DNAH6: variants seen among roughly 807,000 people sequenced by gnomAD.
The protein encoded by DNAH6 is axonemal beta dynein heavy chain 6.
A neutral mutation model predicts 491.4 loss-of-function variants in DNAH6; 340 were observed. The ratio of observed to expected loss-of-function variants is 0.69; its 90% CI spans 0.63 to 0.76. The LOEUF is 0.76. Ranked by LOEUF, DNAH6 falls within the 30% of genes least tolerant of loss-of-function variation. The pLI is 0.00. For missense variants in DNAH6, 4,443 were observed against 4,972.2 expected (o/e 0.89, Z 3.20); for synonymous variants, 1,603 against 1,686.1 (o/e 0.95, Z 1.21).
At chr2:84,641,193 C>A (rs1054795840) in intron 32 of DNAH6, among the ~76,000 whole-genome samples, 4 of 152,134 alleles carry the variant, frequency 2.6e-5, no homozygotes, top group African/African-American at 9.7e-5. Context: ...TCTAAGGAGA[C>A]CTATTTTATC....
chr2:84,642,130 CTT>C, intron 33 of DNAH6, 76 bp downstream of exon 33: 1 of 980,808 alleles, frequency 1.0e-6, no homozygotes, highest in Non-Finnish European at 1.5e-6. Flanking sequence ...TCAATTATTT[CTT>C]TCTCTAACAA....
chr2:84,691,532 G>A (rs138367896), intron 45 of DNAH6, among the ~76,000 whole-genome samples: 150 of 152,324 alleles, frequency 9.8e-4, no homozygotes, highest in African/African-American at 3.4e-3. Flanking sequence ...CGTTGTTCTA[G>A]TAGAGGAGTT....
intron 40 of DNAH6, among the ~76,000 whole-genome samples, 199 bp from the exon 41 acceptor site, chr2:84,676,806 A>G (rs1291313269): frequency 6.6e-6 from 1 of 152,236 alleles, no homozygotes; most frequent in Admixed American, 6.5e-5. Context: ...TTACTTAACC[A>G]TCCAGGGCCT....
chr2:84,736,302 T>C (rs777371919), intron 62 of DNAH6, among the ~76,000 whole-genome samples: 5 of 152,258 alleles, frequency 3.3e-5, no homozygotes, highest in Middle Eastern at 3.4e-3. Flanking sequence ...TGTCCTTTTT[T>C]ACTAGGATTG....
At chr2:84,652,770 A>G (rs891838438) in intron 33 of DNAH6, among the ~76,000 whole-genome samples, 3 of 152,144 alleles carry the variant, frequency 2.0e-5, no homozygotes, top group East Asian at 1.9e-4. Flanking sequence ...ATCTCATACT[A>G]ACTGTTTCCT....
chr2:84,655,749 C>T (rs572983782), intron 35 of DNAH6, among the ~76,000 whole-genome samples: 1 of 152,200 alleles, frequency 6.6e-6, no homozygotes, highest in African/African-American at 2.4e-5. Flanking sequence ...TTCCCATGCA[C>T]TCCCTCACCC....
At chr2:84,717,569 G>C (rs773505082) in intron 58 of DNAH6, among the ~76,000 whole-genome samples, 7 of 150,488 alleles carry the variant, frequency 4.7e-5, no homozygotes, top group East Asian at 3.9e-4. Context: ...CCCACCTTAT[G>C]GGGGGGGCAT....
intron 67 of DNAH6, among the ~76,000 whole-genome samples, chr2:84,786,495 T>A (rs1378707206): frequency 1.3e-5 from 2 of 148,896 alleles, no homozygotes; most frequent in African/African-American, 2.5e-5. Context: ...TTAGAGGAGG[T>A]CTGACAGGTT....
At chr2:84,572,178 G>A (rs1681962382) in intron 11 of DNAH6, among the ~76,000 whole-genome samples, 1 of 152,086 alleles carries the variant, frequency 6.6e-6, no homozygotes, top group South Asian at 2.1e-4. Flanking sequence ...GAAATATTTA[G>A]GGGTCAATGT....
chr2:84,793,478 T>C (rs1477053761), intron 68 of DNAH6, among the ~76,000 whole-genome samples: 1 of 150,904 alleles, frequency 6.6e-6, no homozygotes, highest in South Asian at 2.1e-4. Flanking sequence ...TTTAGAATAA[T>C]GTATGTTAGG....
At chr2:84,652,168 G>A (rs1180117091) in intron 33 of DNAH6, among the ~76,000 whole-genome samples, 1 of 151,866 alleles carries the variant, frequency 6.6e-6, no homozygotes, top group Non-Finnish European at 1.5e-5. Flanking sequence ...AAGTTTCCTA[G>A]GTCATAGGGT....
chr2:84,722,788 TA>T lies in DNAH6; in HGVS notation c.9960del (p.Lys3320AsnfsTer15). The T allele has an allele frequency of 6.7e-7, 1 of 1,496,600 alleles. No homozygotes were observed. Among genetic ancestry groups the T allele is most frequent in the South Asian group, 1.3e-5 (1 of 74,948 alleles). 92.7% of individuals were successfully genotyped at this position (1,496,600 alleles called of 1,614,324 possible). ...ATAGATCCTATGTACCAGTACTCAT[TA>T]AAATACTTTAAACAGGTAAGTGTGT... ...SEIDPMYQYSLKYFKQLFNTT... is the reference protein window; with the variant it reads ...SEIDPMYQYSXKYFKQLFNTT... On this transcript the variant is annotated frameshift_variant, in exon 60 of 77. Transcript: ENST00000389394. LOFTEE classifies it high-confidence loss of function.
chr2:84,477,917 C>T, the DNAH6 span, among the ~76,000 whole-genome samples: 3 of 152,216 alleles, frequency 2.0e-5, no homozygotes, highest in Admixed American at 6.5e-5. Context: ...TCTCTATGCC[C>T]AGTTCTGACA....
intron 63 of DNAH6, among the ~76,000 whole-genome samples, chr2:84,752,921 A>G (rs1240496961): frequency 6.6e-6 from 1 of 152,056 alleles, no homozygotes; most frequent in African/African-American, 2.4e-5. Context: ...TATCTTATGT[A>G]TTTACTTAGT....
the DNAH6 span, among the ~76,000 whole-genome samples, chr2:84,511,264 C>G: frequency 1.3e-5 from 2 of 152,184 alleles, no homozygotes; most frequent in Non-Finnish European, 2.9e-5. Context: ...ACTCAAGCTT[C>G]GGCAATGGCG....
chr2:84,686,445 T>G (rs1004000409), intron 43 of DNAH6, 39 bp from the exon 44 acceptor site: 1 of 1,135,356 alleles, frequency 8.8e-7, no homozygotes, highest in Non-Finnish European at 1.3e-6. Flanking sequence ...CATTCAAGAT[T>G]ATCATTATAT....
upstream of DNAH6, among the ~76,000 whole-genome samples, chr2:84,512,175 T>C (rs1432278490): frequency 1.3e-5 from 2 of 152,180 alleles, no homozygotes; most frequent in Admixed American, 6.5e-5. Flanking sequence ...AGTCCCTTAG[T>C]CAATTTGGTG....
intron 37 of DNAH6, among the ~76,000 whole-genome samples, chr2:84,664,964 A>G (rs1473201193): frequency 2.0e-5 from 3 of 151,888 alleles, no homozygotes; most frequent in Non-Finnish European, 4.4e-5. Context: ...CCGCTCAACT[A>G]CATGGAAACT....
chr2:84,779,610 A>G (rs967555442), intron 64 of DNAH6, among the ~76,000 whole-genome samples: 19 of 152,084 alleles, frequency 1.2e-4, no homozygotes, highest in African/African-American at 4.6e-4. Flanking sequence ...GTGCCTGTTA[A>G]ATGGGGTGTT....
Sources: allele counts gnomAD v4.1 joint callset (sites outside exome capture counted in the v4.1 genomes callset), GRCh38; gene constraint gnomAD v4.1.1; transcripts MANE v1.5; gene names NCBI Gene and HGNC (gene_info 2026-07-23, HGNC 2026-07-21).